Variants in CLIC5 observed in about 807,000 individuals in gnomAD.
The protein encoded by CLIC5 is CLIC family member 5, also known as chloride intracellular channel protein 5.
In CLIC5, 20 loss-of-function variants were observed where a neutral mutation model predicts 24.7. The ratio of observed to expected loss-of-function variants is 0.81; its 90% CI spans 0.57 to 1.18. The LOEUF (loss-of-function observed/expected upper bound fraction) is 1.18, where lower values mean the gene tolerates loss of function less well. CLIC5 is among the 50% of genes most tolerant of loss of function. CLIC5 has a pLI of 0.00. For missense variants in CLIC5, 341 were observed against 326.1 expected, an observed-to-expected ratio of 1.05 and a Z score of -0.35; for synonymous variants, 159 against 135.6, an observed-to-expected ratio of 1.17 and a Z score of -1.20.
chr6:46,006,338 G>A (rs1247332602), intron 1 of CLIC5, among the ~76,000 whole-genome samples: 10 of 151,340 alleles, frequency 6.6e-5, no homozygotes, highest in Admixed American at 5.3e-4. Context: ...TAGAGACGGG[G>A]TTTCACCATA....
intron 1 of CLIC5, among the ~76,000 whole-genome samples, chr6:45,974,104 T>G (rs1765295676): frequency 6.6e-6 from 1 of 152,108 alleles, no homozygotes; most frequent in Non-Finnish European, 1.5e-5. Context: ...CTTTTTGTAT[T>G]TAAAAACAAA....
chr6:45,957,033 T>G (rs913257964), intron 1 of CLIC5, among the ~76,000 whole-genome samples: 2 of 152,144 alleles, frequency 1.3e-5, no homozygotes, highest in Admixed American at 6.5e-5. Context: ...CTCGGTCCTT[T>G]AAGACATCCC....
chr6:45,980,813 C>T (rs192536299), intron 1 of CLIC5, among the ~76,000 whole-genome samples: 63 of 152,080 alleles, frequency 4.1e-4, no homozygotes, highest in African/African-American at 1.4e-3. Context: ...CAGGGAATTT[C>T]ATCTTCTCCA....
chr6:45,997,259 A>T (rs931858804), intron 1 of CLIC5, among the ~76,000 whole-genome samples: 4 of 150,572 alleles, frequency 2.7e-5, no homozygotes, highest in African/African-American at 9.8e-5. Flanking sequence ...CAAGAACAAA[A>T]AACCAAACAC....
chr6:46,099,635 T>C, the CLIC5 span, among the ~76,000 whole-genome samples: 1 of 152,248 alleles, frequency 6.6e-6, no homozygotes, highest in South Asian at 2.1e-4. Flanking sequence ...TATATGTATG[T>C]ACATATGCTA....
chr6:45,909,461 G>A (rs901951861), intron 5 of CLIC5, among the ~76,000 whole-genome samples: 3 of 152,138 alleles, frequency 2.0e-5, no homozygotes, highest in African/African-American at 7.2e-5. Context: ...TCTCTTGTAA[G>A]TATGGTCTAA....
intron 3 of CLIC5, among the ~76,000 whole-genome samples, chr6:45,944,153 C>A (rs1290274541): frequency 6.6e-6 from 1 of 151,454 alleles, no homozygotes; most frequent in East Asian, 1.9e-4. Context: ...AAACTGTGAC[C>A]CATGACCCCT....
chr6:45,941,424 A>G, intron 4 of CLIC5, 123 bp downstream of exon 4: 1 of 766,154 alleles, frequency 1.3e-6, no homozygotes, highest in Non-Finnish European at 2.3e-6. Context: ...GCAAATAATA[A>G]GCAGTATTGG....
the CLIC5 span, among the ~76,000 whole-genome samples, chr6:46,119,623 A>C: frequency 6.6e-6 from 1 of 152,260 alleles, no homozygotes; most frequent in East Asian, 1.9e-4. Context: ...CATGAGCTGA[A>C]GCAGGGCGAG....
intron 2 of CLIC5, among the ~76,000 whole-genome samples, chr6:45,950,307 T>A (rs137950010): frequency 6.4e-4 from 97 of 151,748 alleles, no homozygotes; most frequent in African/African-American, 2.3e-3. Flanking sequence ...ATGCCTGTAA[T>A]CCCACCACTT....
At chr6:46,089,594 CT>C in the CLIC5 span, among the ~76,000 whole-genome samples, 1 of 152,062 alleles carries the variant, frequency 6.6e-6, no homozygotes, top group East Asian at 1.9e-4. Flanking sequence ...GACACAAATC[CT>C]TTTCTTTATT....
rs1439867531 is a variant in CLIC5, at chr6:45,900,475, C to T, written c.*2613G>A. 1.5e-5 allele frequency: 2 copies of T among 132,798 alleles called. No homozygotes were observed. The highest frequency in any genetic ancestry group is 6.0e-5 in the African/African-American group (2 of 33,326). 8.2% of individuals were successfully genotyped at this position (132,798 alleles called of 1,614,324 possible). A position where few individuals can be genotyped will look rare whatever the true frequency, so the allele number is the denominator to read the frequency against. ...TGTTGCTGAGACATGATGTGCTGCA[C>T]ATATGATAAGAAGGCCAGACAGGCT... On this transcript the variant is annotated 3_prime_UTR_variant, in exon 6 of 6. Coordinates refer to ENST00000339561, the MANE Select transcript of CLIC5 (RefSeq NM_016929.5).
intron 2 of CLIC5, among the ~76,000 whole-genome samples, chr6:45,954,692 C>T (rs1474930736): frequency 6.6e-6 from 1 of 152,190 alleles, no homozygotes; most frequent in Non-Finnish European, 1.5e-5. Context: ...AGAACTGTCA[C>T]ACTGAGGACT....
rs934157327 is a variant in CLIC5, at chr6:45,903,010, CAG to C, written c.*76_*77del. 6.6e-6 allele frequency: 10 copies of C among 1,511,330 alleles called. No homozygotes were observed. In the Admixed American group the frequency reaches 1.7e-4, roughly 26 times the overall value. The allele number at this position is 1,511,330 out of a possible 1,614,324, so 93.6% of individuals were successfully genotyped here. ...AAAAGTGCGCCTCAAGGCAGTGATACAGAGGAGTCTATGAAGCTGGAGTCTTA... is the reference window on the plus strand; with the variant it reads ...AAAAGTGCGCCTCAAGGCAGTGATACAGGAGTCTATGAAGCTGGAGTCTTA... On this transcript the variant is annotated 3_prime_UTR_variant, in exon 6 of 6. Coordinates refer to ENST00000339561, the MANE Select transcript of CLIC5 (RefSeq NM_016929.5).
At chr6:46,064,909 C>T (rs1762399460) in intron 1 of CLIC5, among the ~76,000 whole-genome samples, 1 of 151,864 alleles carries the variant, frequency 6.6e-6, no homozygotes, top group African/African-American at 2.4e-5. Flanking sequence ...AAAACACAAA[C>T]CATAGCATTA....
chr6:45,882,160 C>A (rs968016905), intron 6 of CLIC5, among the ~76,000 whole-genome samples: 2 of 152,208 alleles, frequency 1.3e-5, no homozygotes, highest in Admixed American at 6.5e-5. Flanking sequence ...TTACCAGAGA[C>A]TCCCAATTAC....
chr6:46,070,261 T>C (rs1008178516), intron 1 of CLIC5, among the ~76,000 whole-genome samples: 1 of 152,122 alleles, frequency 6.6e-6, no homozygotes, highest in East Asian at 1.9e-4. Flanking sequence ...GGCATCCAAA[T>C]AGGTACAGAG....
upstream of CLIC5, among the ~76,000 whole-genome samples, chr6:46,017,331 A>T (rs1328903386): frequency 3.3e-5 from 5 of 152,232 alleles, no homozygotes; most frequent in Admixed American, 2.0e-4. Flanking sequence ...AAAAATAAGT[A>T]ATAATACTTA....
At chr6:46,119,550 C>T in the CLIC5 span, among the ~76,000 whole-genome samples, 5 of 152,328 alleles carry the variant, frequency 3.3e-5, no homozygotes, top group South Asian at 4.1e-4. Flanking sequence ...ACTGAGGTAC[C>T]GGGTTCATCT....
Sources: gnomAD v4.1 joint callset for allele counts (sites outside exome capture counted in the v4.1 genomes callset) on GRCh38, gnomAD v4.1.1 for gene constraint, MANE v1.5 for transcripts, NCBI Gene and HGNC (gene_info 2026-07-23, HGNC 2026-07-21) for gene names.